The following POLA1 variants were observed in gnomAD, a reference collection of about 807,000 sequenced individuals.
POLA1 encodes the protein DNA polymerase alpha catalytic subunit.
Under a neutral mutation model 124.0 loss-of-function variants are expected in POLA1, and 15 were observed. That is an observed-to-expected ratio of 0.12 (90% CI 0.08 to 0.19). The LOEUF is 0.19. Among genes scored for constraint, POLA1 ranks in the 10% least tolerant of loss-of-function variants. POLA1 has a pLI of 1.00. For missense variants in POLA1, 886 were observed against 1,103.4 expected (o/e 0.80, Z 2.79); for synonymous variants, 408 against 389.4 (o/e 1.05, Z -0.56).
At chrX:24,741,330 T>G in intron 20 of POLA1, 45 bp from the exon 21 acceptor site, 1 of 1,064,975 alleles carries the variant, frequency 9.4e-7, no homozygotes, top group South Asian at 2.1e-5. Context: ...AGGCATTGTT[T>G]CTTTTAATTA....
intron 32 of POLA1, among the ~76,000 whole-genome samples, chrX:24,829,018 T>C (rs757205515): frequency 8.9e-6 from 1 of 112,297 alleles, no homozygotes; most frequent in African/African-American, 3.2e-5. Context: ...TTTTCACAAA[T>C]TATTTTCAAA....
chrX:24,784,654 A>T (rs1209608102), intron 26 of POLA1, among the ~76,000 whole-genome samples: 1 of 111,072 alleles, frequency 9.0e-6, no homozygotes, highest in Admixed American at 9.6e-5. Context: ...ACCACACTCT[A>T]GCCTGGGCAA....
chrX:24,756,281 G>T (rs772861263), intron 26 of POLA1, among the ~76,000 whole-genome samples: 1 of 111,483 alleles, frequency 9.0e-6, no homozygotes, highest in Non-Finnish European at 1.9e-5. Flanking sequence ...CAAAGTTTGG[G>T]CCGGGCGCGG....
At chrX:24,831,555 G>A (rs1018181201) in intron 32 of POLA1, among the ~76,000 whole-genome samples, 2 of 109,972 alleles carry the variant, frequency 1.8e-5, no homozygotes, top group African/African-American at 6.6e-5. Context: ...TGAGTAGCTG[G>A]GTTTACAGGT....
chrX:24,777,701 C>T (rs1220028728), intron 26 of POLA1, among the ~76,000 whole-genome samples: 1 of 111,971 alleles, frequency 8.9e-6, no homozygotes, highest in Non-Finnish European at 1.9e-5. Context: ...TCATGGAATC[C>T]TTAAGTGGTA....
At chrX:24,977,736 A>G (rs1057503225) in intron 36 of POLA1, among the ~76,000 whole-genome samples, 2 of 111,831 alleles carry the variant, frequency 1.8e-5, no homozygotes, top group African/African-American at 6.5e-5. Flanking sequence ...ATAACTTGAG[A>G]TCTCTTCTTG....
intron 26 of POLA1, among the ~76,000 whole-genome samples, chrX:24,763,145 T>G (rs1932828419): frequency 1.8e-5 from 2 of 111,939 alleles, no homozygotes; most frequent in Admixed American, 1.9e-4. Context: ...GAGGGGAAAC[T>G]GATTAGCAGG....
chrX:24,908,693 A>G (rs1001678082), intron 35 of POLA1, among the ~76,000 whole-genome samples: 23 of 111,142 alleles, frequency 2.1e-4, no homozygotes, highest in South Asian at 1.6e-3. Flanking sequence ...CACAATAAAC[A>G]CACGTGTGCA....
intron 4 of POLA1, among the ~76,000 whole-genome samples, chrX:24,705,743 T>G (rs1160097379): frequency 9.0e-6 from 1 of 110,498 alleles, no homozygotes; most frequent in Non-Finnish European, 1.9e-5. Context: ...GACATTGATT[T>G]TTAAAGGGAC....
chrX:24,867,897 A>G (rs1188438678), intron 34 of POLA1, among the ~76,000 whole-genome samples: 1 of 110,662 alleles, frequency 9.0e-6, no homozygotes, highest in East Asian at 2.8e-4. Context: ...TTATTTTAAT[A>G]TTACAGCTTT....
intron 35 of POLA1, among the ~76,000 whole-genome samples, chrX:24,896,698 A>C (rs1487140240): frequency 1.8e-5 from 2 of 112,121 alleles, no homozygotes; most frequent in African/African-American, 6.5e-5. Context: ...AGAGTGGAAC[A>C]AATACATGTA....
chrX:24,889,135 G>A (rs923104638), intron 35 of POLA1, among the ~76,000 whole-genome samples: 1 of 111,362 alleles, frequency 9.0e-6, no homozygotes, highest in African/African-American at 3.3e-5. Flanking sequence ...CTCCCAAAGT[G>A]CTGGGATTAC....
intron 19 of POLA1, among the ~76,000 whole-genome samples, chrX:24,738,981 A>G (rs1164155792): frequency 9.0e-6 from 1 of 110,575 alleles, no homozygotes; most frequent in Non-Finnish European, 1.9e-5. Flanking sequence ...ACCCCCTTCA[A>G]GATTTTCTTT....
chrX:24,789,187 G>A, intron 26 of POLA1: 1 of 623,508 alleles, frequency 1.6e-6, no homozygotes, highest in Non-Finnish European at 2.5e-6. Context: ...AAAAGTAAAA[G>A]GCATGCAAAT....
At chrX:24,814,634 G>A (rs1421804977) in intron 29 of POLA1, among the ~76,000 whole-genome samples, 1 of 111,780 alleles carries the variant, frequency 8.9e-6, no homozygotes, top group Non-Finnish European at 1.9e-5. Flanking sequence ...TTTATCTTAT[G>A]AGGAGAATAT....
intron 34 of POLA1, among the ~76,000 whole-genome samples, chrX:24,868,793 A>G (rs1188571555): frequency 1.8e-5 from 2 of 112,154 alleles, no homozygotes; most frequent in African/African-American, 3.2e-5. Flanking sequence ...GGGTCACATC[A>G]TAACCTGTAA....
At chrX:24,738,773 C>T (rs1465749463) in intron 19 of POLA1, among the ~76,000 whole-genome samples, 1 of 112,022 alleles carries the variant, frequency 8.9e-6, no homozygotes, top group Non-Finnish European at 1.9e-5. Context: ...TCTTATTTTA[C>T]TTAAAGCTTA....
At chrX:24,931,706 A>T (rs993881501) in intron 36 of POLA1, among the ~76,000 whole-genome samples, 1 of 112,311 alleles carries the variant, frequency 8.9e-6, no homozygotes, top group South Asian at 3.7e-4. Flanking sequence ...TAGAACTTTT[A>T]TTCATGGTCA....
intron 36 of POLA1, among the ~76,000 whole-genome samples, chrX:24,957,266 A>G (rs1402830550): frequency 1.8e-5 from 2 of 112,289 alleles, no homozygotes; most frequent in Non-Finnish European, 3.8e-5. Flanking sequence ...AGAAACACAG[A>G]TGGTCCTGTG....
Sources: allele counts gnomAD v4.1 joint callset (sites outside exome capture counted in the v4.1 genomes callset), GRCh38; gene constraint gnomAD v4.1.1; transcripts MANE v1.5; gene names NCBI Gene and HGNC (gene_info 2026-07-23, HGNC 2026-07-21).